Variants in C2orf76 observed in about 807,000 individuals in gnomAD.
C2orf76 encodes the protein UPF0538 protein C2orf76.
In C2orf76, 23 loss-of-function variants were observed where a neutral mutation model predicts 16.9. The observed-to-expected ratio is 1.36, with a 90% confidence interval of 0.98 to 1.93. C2orf76 has a LOEUF of 1.93. C2orf76 is among the 30% of genes most tolerant of loss of function. The pLI is 0.00. For synonymous variants in C2orf76, 48 were observed against 52.3 expected (o/e 0.92, Z 0.35); for missense variants, 152 against 152.6 (o/e 1.00, Z 0.02).
intron 5 of C2orf76, among the ~76,000 whole-genome samples, chr2:119,307,658 G>A (rs567845670): frequency 7.2e-5 from 11 of 152,178 alleles, no homozygotes; most frequent in East Asian, 3.9e-4. Context: ...GCCGGAGTTC[G>A]GAGTTAGGAG....
chr2:119,310,886 A>C (rs1228483822), intron 5 of C2orf76, among the ~76,000 whole-genome samples: 1 of 152,080 alleles, frequency 6.6e-6, no homozygotes, highest in African/African-American at 2.4e-5. Context: ...AAAATAAATA[A>C]ATTAATAAAT....
intron 4 of C2orf76, among the ~76,000 whole-genome samples, chr2:119,314,781 AAG>A (rs1194275303): frequency 6.6e-6 from 1 of 152,218 alleles, no homozygotes; most frequent in Non-Finnish European, 1.5e-5. Flanking sequence ...TATGTAAATT[AAG>A]AGAGAACTGA....
chr2:119,312,212 C>A (rs1286319140), intron 4 of C2orf76, among the ~76,000 whole-genome samples: 1 of 152,154 alleles, frequency 6.6e-6, no homozygotes, highest in Non-Finnish European at 1.5e-5. Context: ...CCAGCTCTGG[C>A]CAGTCCGACT....
At chr2:119,303,345 T>C (rs544565759) in intron 5 of C2orf76, among the ~76,000 whole-genome samples, 1 of 152,320 alleles carries the variant, frequency 6.6e-6, no homozygotes, top group East Asian at 1.9e-4. Flanking sequence ...AAACATGCAA[T>C]TCTTTAAGGT....
chr2:119,355,989 C>T (rs79505505), intron 1 of C2orf76, among the ~76,000 whole-genome samples: 1,695 of 152,270 alleles, frequency 0.011, 13 homozygotes, highest in South Asian at 0.032. Flanking sequence ...ACAATGTGTT[C>T]TCTGACCACA....
chr2:119,319,595 T>G (rs1176897044), intron 3 of C2orf76, among the ~76,000 whole-genome samples: 3 of 152,170 alleles, frequency 2.0e-5, no homozygotes, highest in Non-Finnish European at 4.4e-5. Context: ...AACTACATTC[T>G]TGTGTGCCCT....
chr2:119,286,867 A>G, the C2orf76 span, among the ~76,000 whole-genome samples: 1 of 152,146 alleles, frequency 6.6e-6, no homozygotes, highest in African/African-American at 2.4e-5. Context: ...CATTCCAGCA[A>G]TTCTGAGCTG....
chr2:119,289,980 A>G, the C2orf76 span, among the ~76,000 whole-genome samples: 2 of 151,992 alleles, frequency 1.3e-5, no homozygotes, highest in Non-Finnish European at 2.9e-5. Context: ...AGAAACAAAC[A>G]TAGGGTTTTG....
intron 4 of C2orf76, among the ~76,000 whole-genome samples, chr2:119,315,146 G>A (rs764993523): frequency 1.3e-5 from 2 of 151,728 alleles, no homozygotes; most frequent in African/African-American, 2.4e-5. Context: ...AAATTATTCC[G>A]ACTTTATAAA....
At chr2:119,326,186 C>T (rs1679504965) in intron 2 of C2orf76, among the ~76,000 whole-genome samples, 1 of 152,134 alleles carries the variant, frequency 6.6e-6, no homozygotes, top group Non-Finnish European at 1.5e-5. Flanking sequence ...TTGCTGTTTT[C>T]TTCTAGATGT....
At chr2:119,362,269 G>A (rs1680768742) in intron 1 of C2orf76, among the ~76,000 whole-genome samples, 1 of 152,156 alleles carries the variant, frequency 6.6e-6, no homozygotes, top group Non-Finnish European at 1.5e-5. Context: ...TTATCAGTAA[G>A]ACTTCGAATC....
intron 2 of C2orf76, among the ~76,000 whole-genome samples, chr2:119,333,984 G>A (rs925057870): frequency 6.6e-6 from 1 of 151,770 alleles, no homozygotes; most frequent in Admixed American, 6.6e-5. Flanking sequence ...GTACAGATGG[G>A]GTCATACTGT....
chr2:119,352,622 T>C (rs548536750), intron 1 of C2orf76, among the ~76,000 whole-genome samples: 61 of 152,352 alleles, frequency 4.0e-4, no homozygotes, highest in African/African-American at 1.4e-3. Context: ...AAATACCACC[T>C]GCTGGGTATT....
downstream of C2orf76, among the ~76,000 whole-genome samples, chr2:119,297,993 G>A (rs965977162): frequency 2.0e-5 from 3 of 151,944 alleles, no homozygotes; most frequent in Middle Eastern, 3.2e-3. Context: ...CATTTTTTAT[G>A]AGACAGGGTC....
intron 4 of C2orf76, among the ~76,000 whole-genome samples, chr2:119,312,109 G>T (rs1402369909): frequency 6.6e-6 from 1 of 152,194 alleles, no homozygotes; most frequent in Non-Finnish European, 1.5e-5. Context: ...CGGCCGCAGG[G>T]TGAGCACTCT....
the C2orf76 span, among the ~76,000 whole-genome samples, chr2:119,297,030 G>A: frequency 6.6e-6 from 1 of 152,182 alleles, no homozygotes; most frequent in Non-Finnish European, 1.5e-5. Context: ...AGGGTTCCTT[G>A]CTCCAAAATG....
chr2:119,317,417 C>T, intron 4 of C2orf76, 49 bp downstream of exon 4: 1 of 1,383,992 alleles, frequency 7.2e-7, no homozygotes, highest in Non-Finnish European at 9.9e-7. Context: ...CAAATTCAAC[C>T]AACATTGATT....
intron 5 of C2orf76, among the ~76,000 whole-genome samples, chr2:119,305,188 A>T (rs1678738789): frequency 6.6e-6 from 1 of 152,184 alleles, no homozygotes; most frequent in Admixed American, 6.5e-5. Flanking sequence ...CATTTGCAGG[A>T]TCCTTTTAAT....
intron 4 of C2orf76, among the ~76,000 whole-genome samples, chr2:119,312,814 T>G (rs948729551): frequency 6.6e-6 from 1 of 151,752 alleles, no homozygotes; most frequent in Non-Finnish European, 1.5e-5. Flanking sequence ...GATCACAAGG[T>G]CAGGAGATCG....
Sources: gnomAD v4.1 joint callset for allele counts (sites outside exome capture counted in the v4.1 genomes callset) on GRCh38, gnomAD v4.1.1 for gene constraint, MANE v1.5 for transcripts, NCBI Gene and HGNC (gene_info 2026-07-23, HGNC 2026-07-21) for gene names.